Variants in SDF2 observed in about 807,000 individuals in gnomAD.
The protein encoded by SDF2 is stromal cell derived factor 2.
SDF2 carries 12 observed loss-of-function variants against 20.5 expected under a neutral mutation model. The observed-to-expected ratio is 0.58, with a 90% confidence interval of 0.37 to 0.95. The LOEUF (loss-of-function observed/expected upper bound fraction) is 0.95. Ranked by LOEUF, SDF2 falls within the 40% of genes least tolerant of loss-of-function variation. SDF2 has a pLI of 0.01. For synonymous variants in SDF2, 100 were observed against 101.0 expected, an observed-to-expected ratio of 0.99 and a Z score of 0.06; for missense variants, 238 against 263.1, an observed-to-expected ratio of 0.90 and a Z score of 0.66.
chr17:28,652,043 T>G (rs1382258074), intron 2 of SDF2, among the ~76,000 whole-genome samples: 1 of 152,134 alleles, frequency 6.6e-6, no homozygotes, highest in Non-Finnish European at 1.5e-5. Context: ...CAGTGGGGCA[T>G]GCCTGTATCC....
rs975059334 is a variant in SDF2 at position 28,661,852 on chromosome 17, A to G, written c.25T>C (p.Leu9=). 3.7e-6 allele frequency: 6 copies of G among 1,613,714 alleles called. No individual in the cohort carries two copies. The African/African-American group carries it at 8.0e-5, about 22-fold the overall frequency. The change falls in exon 1 of 3, where the codon TTG becomes CTG. Residue 9 remains leucine, a synonymous_variant. Coordinates refer to ENST00000247020, the MANE Select transcript of SDF2 (RefSeq NM_006923.4). MAVVPLLL[L]GGLWSAVGAS... is the part of the protein sequence containing the mutation. ...CCCACAGCGCTCCACAAACCCCCCA[A>G]CAACAGCAGAGGTACTACAGCCATC...
chr17:28,656,755 A>G (rs1177413167), intron 1 of SDF2, among the ~76,000 whole-genome samples: 1 of 152,208 alleles, frequency 6.6e-6, no homozygotes, highest in African/African-American at 2.4e-5. Context: ...ACCTATACAC[A>G]CTAGCCTGGA....
chr17:28,656,585 C>T (rs914121852), intron 1 of SDF2, among the ~76,000 whole-genome samples: 1 of 151,742 alleles, frequency 6.6e-6, no homozygotes, highest in African/African-American at 2.4e-5. Flanking sequence ...CAGACTCCGT[C>T]TCAAAAAAAA....
intron 1 of SDF2, among the ~76,000 whole-genome samples, chr17:28,660,176 T>A (rs1046479067): frequency 6.6e-6 from 1 of 151,326 alleles, no homozygotes; most frequent in Non-Finnish European, 1.5e-5. Context: ...GGCAGGGAGG[T>A]TGCAGCGAGC....
intron 1 of SDF2, chr17:28,661,286 T>C: frequency 2.5e-6 from 1 of 393,366 alleles, no homozygotes; most frequent in Non-Finnish European, 5.0e-6. Context: ...AGACAGTACT[T>C]ACTGTAACTT....
chr17:28,658,394 G>A (rs537049360), intron 1 of SDF2, among the ~76,000 whole-genome samples: 1 of 152,258 alleles, frequency 6.6e-6, no homozygotes, highest in East Asian at 1.9e-4. Flanking sequence ...CCTAGGCAGA[G>A]GTCCCTGCGG....
At chr17:28,661,194 G>C (rs772966136) in intron 1 of SDF2, 1 of 454,912 alleles carries the variant, frequency 2.2e-6, no homozygotes, top group East Asian at 7.0e-5. Flanking sequence ...GATGGAAACT[G>C]AGGAGCAAGT....
chr17:28,654,357 A>G (rs959314302), intron 2 of SDF2, among the ~76,000 whole-genome samples: 1 of 151,708 alleles, frequency 6.6e-6, no homozygotes, highest in African/African-American at 2.4e-5. Context: ...GCATCATTAA[A>G]AAAAAAAAAA....
In SDF2 at chr17:28,648,427, T is replaced by C. The variant is rs1303728093; in HGVS notation, c.*562A>G. 1 of 153,870 alleles carries C rather than the reference T, an allele frequency of 6.5e-6. No individual in the cohort carries two copies. The highest frequency in any genetic ancestry group is 2.4e-5 in the African/African-American group (1 of 41,436). The allele number at this position is 153,870 out of a possible 1,614,324, so 9.5% of individuals were successfully genotyped here. On this transcript the variant is annotated 3_prime_UTR_variant, in exon 3 of 3. Transcript: ENST00000247020. ...AGTCAAAGATCTATTAAAGATGAGA[T>C]GCCTGGAGAGAAGTCAAAGTAGAGG...
At chr17:28,657,707 A>C (rs1022246954) in intron 1 of SDF2, 2 of 151,980 alleles carry the variant, frequency 1.3e-5, no homozygotes, top group Admixed American at 6.6e-5. Flanking sequence ...CTAAAAAAAA[A>C]TTTTTATATT....
rs752805028 is a variant in SDF2, at chr17:28,661,792, C to G, written c.85G>C (p.Val29Leu). 1 of 1,614,126 alleles carries G rather than the reference C, an allele frequency of 6.2e-7. No individual in the cohort carries two copies. Among genetic ancestry groups the G allele is most frequent in the Non-Finnish European group, 8.5e-7 (1 of 1,180,030 alleles). ...TGGCGCGTATTGAGTAGCTTCACCACGGAGCCGCAAGTAACGACACCCAGG... is the reference window on the plus strand; with the variant it reads ...TGGCGCGTATTGAGTAGCTTCACCAGGGAGCCGCAAGTAACGACACCCAGG... ...SSLGVVTCGS[V>L]VKLLNTRHNV... The change falls in exon 1 of 3, where the codon GTG (valine) becomes CTG (leucine). Residue 29 changes from valine (V) to leucine (L), a missense_variant. By Grantham distance (32) the Val-to-Leu change is conservative. Coordinates refer to ENST00000247020, the MANE Select transcript of SDF2 (RefSeq NM_006923.4).
intron 1 of SDF2, 85 bp from the exon 2 acceptor site, chr17:28,655,568 C>A (rs1002965638): frequency 1.7e-6 from 2 of 1,182,556 alleles, no homozygotes; most frequent in Non-Finnish European, 2.4e-6. Context: ...GCTCAAGATT[C>A]ACCTTCACCT....
chr17:28,658,561 C>G (rs1004380885), intron 1 of SDF2, among the ~76,000 whole-genome samples: 7 of 152,172 alleles, frequency 4.6e-5, no homozygotes, highest in African/African-American at 1.7e-4. Flanking sequence ...TTTCAGAGAG[C>G]ACGGGGTTGG....
At chr17:28,656,689 C>T (rs2071966135) in intron 1 of SDF2, among the ~76,000 whole-genome samples, 1 of 152,174 alleles carries the variant, frequency 6.6e-6, no homozygotes, top group Non-Finnish European at 1.5e-5. Context: ...GAATTTGCAT[C>T]AAAGGATATC....
chr17:28,652,021 A>G (rs1438154357), intron 2 of SDF2, among the ~76,000 whole-genome samples: 1 of 152,140 alleles, frequency 6.6e-6, no homozygotes, highest in Admixed American at 6.5e-5. Flanking sequence ...CAATAAGAAC[A>G]CTAGCCAGGC....
At position 28,650,199 on chromosome 17, in the gene SDF2, G is replaced by A. The variant is rs554025624; in HGVS notation, c.349-923C>T. On this transcript the variant is annotated intron_variant, in intron 2 of 2. Coordinates refer to ENST00000247020, the MANE Select transcript of SDF2 (RefSeq NM_006923.4). ...ATTCCCAACCTCAGGTGATCCTCCCGCCTCAGCCTCCCAAAGTGCTGGGAT... is the reference window on the plus strand; with the variant it reads ...ATTCCCAACCTCAGGTGATCCTCCCACCTCAGCCTCCCAAAGTGCTGGGAT... Among the ~76,000 whole-genome samples, 18 of 151,900 alleles carry A rather than the reference G, an allele frequency of 1.2e-4. No individual in the cohort carries two copies. The South Asian group carries it at 1.5e-3, about 12-fold the overall frequency.
At chr17:28,662,125 G>A (rs561838071), upstream of SDF2, 1 of 414,764 alleles carries the variant, frequency 2.4e-6, no homozygotes, top group East Asian at 3.8e-5. Flanking sequence ...CCCACGAGAC[G>A]AAAGCTTCCG....
chr17:28,661,671 C>G, intron 1 of SDF2, 55 bp downstream of exon 1: 1 of 1,572,974 alleles, frequency 6.4e-7, no homozygotes, highest in Non-Finnish European at 8.7e-7. Flanking sequence ...AGGCCCCGCC[C>G]CTCCAGAGCC....
chr17:28,661,614 C>A, intron 1 of SDF2, 112 bp downstream of exon 1: 3 of 1,198,354 alleles, frequency 2.5e-6, no homozygotes, highest in Non-Finnish European at 2.4e-6. Flanking sequence ...GAGGAACCTT[C>A]CCAGGGAACC....
Sources: allele counts gnomAD v4.1 joint callset (sites outside exome capture counted in the v4.1 genomes callset), GRCh38; gene constraint gnomAD v4.1.1; transcripts MANE v1.5; gene names NCBI Gene and HGNC (gene_info 2026-07-23, HGNC 2026-07-21).